Variants in SLC7A1 observed in about 807,000 individuals in gnomAD.
The protein encoded by SLC7A1 is solute carrier family 7 member 1.
SLC7A1 carries 10 observed loss-of-function variants against 53.9 expected under a neutral mutation model. The observed-to-expected ratio is 0.19, with a 90% confidence interval of 0.11 to 0.31. SLC7A1 has a LOEUF of 0.31. SLC7A1 is among the 10% of genes least tolerant of loss of function. SLC7A1 has a pLI of 1.00. For missense variants in SLC7A1, 525 were observed against 827.2 expected, an observed-to-expected ratio of 0.63 and a Z score of 4.48; for synonymous variants, 342 against 338.7, an observed-to-expected ratio of 1.01 and a Z score of -0.11.
At chr13:29,555,357 CAAAAAAAAAAAA>C (rs538934310) in intron 1 of SLC7A1, among the ~76,000 whole-genome samples, 3 of 18,778 alleles carry the variant, frequency 1.6e-4, no homozygotes, top group Non-Finnish European at 2.4e-4. Flanking sequence ...GACTCCGTCT[CAAAAAAAAAAAA>C]AAAAAAAAAA....
chr13:29,535,770 C>T (rs758109924), intron 3 of SLC7A1, 49 bp downstream of exon 3: 3 of 1,573,604 alleles, frequency 1.9e-6, no homozygotes, highest in Non-Finnish European at 2.6e-6. Context: ...GAGGTGGGAA[C>T]AAACAGAAAA....
intron 1 of SLC7A1, among the ~76,000 whole-genome samples, chr13:29,574,964 A>AACCAG (rs1871353064): frequency 1.3e-5 from 2 of 152,122 alleles, no homozygotes; most frequent in Non-Finnish European, 2.9e-5. Context: ...ATACTTCTTT[A>AACCAG]CTTTTTAACC....
At position 29,517,302 on chromosome 13, in the gene SLC7A1, T is replaced by C. The variant is rs779680497; in HGVS notation, c.1519A>G (p.Ile507Val). 1 of 1,610,878 alleles carries C rather than the reference T, an allele frequency of 6.2e-7. No individual in the cohort carries two copies. The highest frequency in any genetic ancestry group is 1.1e-5 in the South Asian group (1 of 90,318). The part of the protein sequence containing the change: ...NISTSLIAVL[I>V]ITFCIVTVLG... ...ACGGTCACAATGCAGAAGGTGATGATGAGAACAGCTAAGGGGGAAGGAAAA... is the reference window on the plus strand; with the variant it reads ...ACGGTCACAATGCAGAAGGTGATGACGAGAACAGCTAAGGGGGAAGGAAAA... Residue 507 changes from isoleucine (I) to valine (V), a missense_variant, in exon 11 of 13, where the codon ATC becomes GTC. Coordinates refer to ENST00000380752, the MANE Select transcript of SLC7A1 (RefSeq NM_003045.5).
rs577674590 is a variant in SLC7A1 at position 29,513,808 on chromosome 13, C to T, written c.*672G>A. On this transcript the variant is annotated 3_prime_UTR_variant, in exon 13 of 13. Transcript: ENST00000380752. ...CTAATGGGAGTGATCCCTTCTTCCT[C>T]ATTTGAGTGGAGCCAGCTGCCCTCA... is the stretch of plus-strand genomic sequence containing the variant. 4 of 152,556 alleles carry T rather than the reference C, an allele frequency of 2.6e-5. No individual in the cohort carries two copies. The highest frequency in any genetic ancestry group is 9.6e-5 in the African/African-American group (4 of 41,594). 9.5% of individuals were successfully genotyped at this position (152,556 alleles called of 1,614,324 possible). A position where few individuals can be genotyped will look rare whatever the true frequency, so the allele number is the denominator to read the frequency against.
intron 1 of SLC7A1, among the ~76,000 whole-genome samples, chr13:29,570,171 C>G (rs1382497824): frequency 6.6e-6 from 1 of 152,216 alleles, no homozygotes; most frequent in Non-Finnish European, 1.5e-5. Flanking sequence ...AATGGCTGCT[C>G]TGCTATGTGC....
At chr13:29,533,734 A>G (rs1344787950) in intron 3 of SLC7A1, among the ~76,000 whole-genome samples, 3 of 152,352 alleles carry the variant, frequency 2.0e-5, no homozygotes, top group South Asian at 2.1e-4. Context: ...AAATGCCAAC[A>G]ATAGTTGGCT....
chr13:29,591,538 G>C (rs776414977), intron 1 of SLC7A1, among the ~76,000 whole-genome samples: 1 of 150,624 alleles, frequency 6.6e-6, no homozygotes, highest in Non-Finnish European at 1.5e-5. Flanking sequence ...CACTGTGCAG[G>C]ACACGGCAGT....
chr13:29,519,298 A>G, intron 9 of SLC7A1, 149 bp downstream of exon 9: 1 of 542,232 alleles, frequency 1.8e-6, no homozygotes, highest in Non-Finnish European at 3.3e-6. Context: ...TGGGCTCTCA[A>G]CCCAGGTCCT....
intron 1 of SLC7A1, among the ~76,000 whole-genome samples, chr13:29,568,529 C>T (rs564297596): frequency 6.6e-6 from 1 of 152,190 alleles, no homozygotes; most frequent in South Asian, 2.1e-4. Context: ...ACTCACATAC[C>T]ATTAAAATAA....
intron 1 of SLC7A1, among the ~76,000 whole-genome samples, chr13:29,554,706 C>CA (rs1305016003): frequency 6.6e-6 from 1 of 152,136 alleles, no homozygotes; most frequent in African/African-American, 2.4e-5. Context: ...TATCATTACA[C>CA]AAAAAATGCA....
chr13:29,554,406 C>T (rs529855724), intron 1 of SLC7A1, among the ~76,000 whole-genome samples: 1 of 152,212 alleles, frequency 6.6e-6, no homozygotes, highest in Non-Finnish European at 1.5e-5. Context: ...TACACGTGCC[C>T]GTAACACCAA....
chr13:29,546,445 C>T (rs897940935), intron 2 of SLC7A1, among the ~76,000 whole-genome samples: 8 of 152,166 alleles, frequency 5.3e-5, no homozygotes, highest in Admixed American at 6.5e-5. Context: ...TTTTCTTTCC[C>T]TCCTTCTAAA....
chr13:29,539,966 A>C (rs1869593345), intron 2 of SLC7A1, among the ~76,000 whole-genome samples: 1 of 152,158 alleles, frequency 6.6e-6, no homozygotes, highest in Admixed American at 6.5e-5. Flanking sequence ...TTATTTTAAG[A>C]AATATCCTGT....
At chr13:29,581,494 C>T (rs1871644475) in intron 1 of SLC7A1, among the ~76,000 whole-genome samples, 1 of 152,228 alleles carries the variant, frequency 6.6e-6, no homozygotes, top group Admixed American at 6.5e-5. Flanking sequence ...GGGAGCCATG[C>T]TTCAGCACCC....
chr13:29,526,454 T>G (rs916398239), intron 5 of SLC7A1, among the ~76,000 whole-genome samples: 1 of 152,054 alleles, frequency 6.6e-6, no homozygotes, highest in African/African-American at 2.4e-5. Context: ...CCTGCGCAAC[T>G]GCACCCCAGC....
chr13:29,520,838 G>T (rs1210953194), intron 8 of SLC7A1, among the ~76,000 whole-genome samples: 1 of 152,234 alleles, frequency 6.6e-6, no homozygotes, highest in Non-Finnish European at 1.5e-5. Flanking sequence ...TGCCACAAAT[G>T]CCGATGTTCC....
At chr13:29,571,498 T>C (rs1442596917) in intron 1 of SLC7A1, among the ~76,000 whole-genome samples, 2 of 152,012 alleles carry the variant, frequency 1.3e-5, no homozygotes, top group Non-Finnish European at 2.9e-5. Flanking sequence ...CTGTGGCCTT[T>C]CTAGATCGCA....
chr13:29,525,720 C>T (rs1393641059), intron 5 of SLC7A1, among the ~76,000 whole-genome samples: 1 of 152,134 alleles, frequency 6.6e-6, no homozygotes, highest in African/African-American at 2.4e-5. Context: ...TAAACAGTAA[C>T]GAGAGGAAAC....
Position 29,510,360 on chromosome 13 carries a change from A to C in SLC7A1, c.*4120T>G, listed in dbSNP as rs1003340135. The C allele has an allele frequency of 1.3e-5, 2 of 152,666 alleles. No homozygotes were observed. Among genetic ancestry groups the C allele is most frequent in the African/African-American group, 4.8e-5 (2 of 41,466 alleles). The allele number at this position is 152,666 out of a possible 1,614,324, so 9.5% of individuals were successfully genotyped here. ...CATTAGGAGTCATAAGCGTGATGAC[A>C]CATGGAGTGTAGCTTCTTGCACCAC... On this transcript the variant is annotated 3_prime_UTR_variant, in exon 13 of 13. Coordinates refer to ENST00000380752, the MANE Select transcript of SLC7A1 (RefSeq NM_003045.5).
Sources: allele counts gnomAD v4.1 joint callset (sites outside exome capture counted in the v4.1 genomes callset), GRCh38; gene constraint gnomAD v4.1.1; transcripts MANE v1.5; gene names NCBI Gene and HGNC (gene_info 2026-07-23, HGNC 2026-07-21).